The following PLEKHA5 variants were observed in gnomAD, a reference collection of about 807,000 sequenced individuals.
PLEKHA5 encodes pleckstrin homology domain containing A5.
A neutral mutation model predicts 181.9 loss-of-function variants in PLEKHA5; 55 were observed. The observed-to-expected ratio is 0.30, with a 90% CI of 0.24 to 0.38. The LOEUF (loss-of-function observed/expected upper bound fraction) is 0.38. Among genes scored for constraint, PLEKHA5 ranks in the 10% least tolerant of loss-of-function variants. The probability of loss-of-function intolerance (pLI) is 1.00; values close to 1 mark genes in which losing one functional copy is unlikely to be tolerated. For missense variants in PLEKHA5, 1,432 were observed against 1,549.5 expected (o/e 0.92, Z 1.27); for synonymous variants, 535 against 529.4 (o/e 1.01, Z -0.15).
At position 19,287,567 on chromosome 12, in the gene PLEKHA5, T is replaced by A; in HGVS notation, c.1863+11T>A. On this transcript the variant is annotated intron_variant, in intron 13 of 31. Coordinates refer to ENST00000429027, the MANE Select transcript of PLEKHA5 (RefSeq NM_001256470.2). Reference sequence around the variant, plus strand: ...CTCCAAGGGAAAACGGTGAGTAATATCTTTATTTACCATACCATGTTTTAT... The same window carrying A: ...CTCCAAGGGAAAACGGTGAGTAATAACTTTATTTACCATACCATGTTTTAT... 1 of 1,420,522 alleles carries A rather than the reference T, an allele frequency of 7.0e-7. No homozygotes were observed. The highest frequency in any genetic ancestry group is 1.2e-5 in the South Asian group (1 of 85,072). 88.0% of individuals were successfully genotyped at this position (1,420,522 alleles called of 1,614,324 possible). A position where few individuals can be genotyped will look rare whatever the true frequency, so the allele number is the denominator to read the frequency against.
chr12:19,231,557 T>C (rs2060565894), intron 3 of PLEKHA5, among the ~76,000 whole-genome samples: 1 of 147,406 alleles, frequency 6.8e-6, no homozygotes, highest in Non-Finnish European at 1.5e-5. Flanking sequence ...TATATATTTA[T>C]ATATGTACAC....
intron 3 of PLEKHA5, among the ~76,000 whole-genome samples, chr12:19,202,629 C>T (rs1187277114): frequency 2.0e-5 from 3 of 152,026 alleles, no homozygotes; most frequent in African/African-American, 4.8e-5. Context: ...GTAGAATGTA[C>T]AAACGCCAAT....
chr12:19,306,829 T>G (rs1393002205), intron 15 of PLEKHA5: 1 of 808,350 alleles, frequency 1.2e-6, no homozygotes, highest in African/African-American at 1.7e-5. Flanking sequence ...AACACTGTAT[T>G]CCTTGACAGA....
rs3056444 is a variant in PLEKHA5 at position 19,238,799 on chromosome 12, CAAAAAAAAA to C, written c.228-15128_228-15120del. Among the ~76,000 whole-genome samples the C allele has an allele frequency of 3.5e-5, 3 of 85,496 alleles. No individual in the cohort carries two copies. In the East Asian group the frequency reaches 9.7e-4, roughly 28 times the overall value. 56.1% of individuals were successfully genotyped at this position (85,496 alleles called of 152,430 possible). A position where few individuals can be genotyped will look rare whatever the true frequency, so the allele number is the denominator to read the frequency against. On this transcript the variant is annotated intron_variant, in intron 3 of 31. Transcript: ENST00000429027. ...GTATGAACAGGAAATTAAATCTGGC[CAAAAAAAAA>C]AAAAAAAAAAAAGGAAGAGGGCAAT... is the stretch of plus-strand genomic sequence containing the variant.
intron 25 of PLEKHA5, among the ~76,000 whole-genome samples, chr12:19,351,583 G>T (rs1164972093): frequency 2.0e-5 from 3 of 152,106 alleles, no homozygotes. Context: ...AGAAATTGTT[G>T]AGACTGCAGA....
At chr12:19,293,976 C>T (rs2079121175) in intron 15 of PLEKHA5, among the ~76,000 whole-genome samples, 1 of 152,190 alleles carries the variant, frequency 6.6e-6, no homozygotes, top group Non-Finnish European at 1.5e-5. Context: ...TCTATTCTCT[C>T]AACATCTCAC....
intron 26 of PLEKHA5, among the ~76,000 whole-genome samples, chr12:19,355,344 CTTTTT>C (rs756942658): frequency 2.0e-4 from 19 of 94,020 alleles, no homozygotes; most frequent in Admixed American, 5.9e-4. Flanking sequence ...TATGGCTAGT[CTTTTT>C]TTTTTTTTTT....
chr12:19,147,658 G>T (rs2039281966), intron 3 of PLEKHA5, among the ~76,000 whole-genome samples: 1 of 151,874 alleles, frequency 6.6e-6, no homozygotes, highest in African/African-American at 2.4e-5. Flanking sequence ...ACCAGTAAAG[G>T]GGGATGGTGG....
chr12:19,334,904 G>T (rs553435973), intron 20 of PLEKHA5, among the ~76,000 whole-genome samples: 1 of 59,174 alleles, frequency 1.7e-5, no homozygotes, highest in African/African-American at 3.8e-5. Flanking sequence ...AATATTAGCC[G>T]GGCATAGGGG....
chr12:19,186,630 A>T (rs73345038), intron 3 of PLEKHA5, among the ~76,000 whole-genome samples: 1 of 152,188 alleles, frequency 6.6e-6, no homozygotes, highest in Non-Finnish European at 1.5e-5. Flanking sequence ...TCCAGTCTAC[A>T]TTCCCTCTGG....
intron 3 of PLEKHA5, among the ~76,000 whole-genome samples, chr12:19,191,594 T>A (rs4492868): frequency 0.85 from 128,926 of 152,214 alleles, 56,007 homozygotes; most frequent in Non-Finnish European, 0.96. Context: ...TAGATACAGG[T>A]ATATCAGCTG....
chr12:19,304,448 A>G (rs1176568458), intron 15 of PLEKHA5, among the ~76,000 whole-genome samples: 1 of 152,190 alleles, frequency 6.6e-6, no homozygotes, highest in Non-Finnish European at 1.5e-5. Flanking sequence ...TCTAGATCCA[A>G]TATTTGTGTT....
intron 3 of PLEKHA5, among the ~76,000 whole-genome samples, chr12:19,240,326 G>A (rs908086531): frequency 6.6e-6 from 1 of 152,080 alleles, no homozygotes; most frequent in African/African-American, 2.4e-5. Context: ...ACACGCAAAA[G>A]AGTGGATACT....
intron 3 of PLEKHA5, among the ~76,000 whole-genome samples, chr12:19,231,562 G>T (rs2060570122): frequency 1.4e-5 from 2 of 145,910 alleles, no homozygotes; most frequent in Non-Finnish European, 1.5e-5. Flanking sequence ...ATTTATATAT[G>T]TACACATATA....
intron 20 of PLEKHA5, among the ~76,000 whole-genome samples, chr12:19,335,135 C>A (rs1455292159): frequency 6.9e-6 from 1 of 144,272 alleles, no homozygotes; most frequent in African/African-American, 2.5e-5. Flanking sequence ...CTCAAGCAAT[C>A]CTCCCACCTC....
intron 20 of PLEKHA5, among the ~76,000 whole-genome samples, chr12:19,328,597 GTA>G (rs765931468): frequency 0.041 from 5,226 of 127,510 alleles, 106 homozygotes; most frequent in South Asian, 0.063. Flanking sequence ...GTGTGTGTGT[GTA>G]TTGTAAATGG....
chr12:19,367,755 A>AT (rs34285066), intron 30 of PLEKHA5, among the ~76,000 whole-genome samples: 2,417 of 131,712 alleles, frequency 0.018, 26 homozygotes, highest in Middle Eastern at 0.11. Context: ...AATTTTTTGT[A>AT]TTTTTTTTTT....
At chr12:19,169,402 A>G (rs2045378869) in intron 3 of PLEKHA5, among the ~76,000 whole-genome samples, 1 of 152,160 alleles carries the variant, frequency 6.6e-6, no homozygotes, top group South Asian at 2.1e-4. Context: ...AGCCTCCAGC[A>G]TCTTCTGGTC....
At chr12:19,251,177 G>A (rs890649843) in intron 3 of PLEKHA5, among the ~76,000 whole-genome samples, 1 of 152,138 alleles carries the variant, frequency 6.6e-6, no homozygotes, top group Non-Finnish European at 1.5e-5. Context: ...AGCCAAGGCT[G>A]ATGGATCACT....
Sources: allele counts gnomAD v4.1 joint callset (sites outside exome capture counted in the v4.1 genomes callset), GRCh38; gene constraint gnomAD v4.1.1; transcripts MANE v1.5; gene names NCBI Gene and HGNC (gene_info 2026-07-23, HGNC 2026-07-21).